The following THSD7A variants were observed in gnomAD, a reference collection of about 807,000 sequenced individuals.
THSD7A encodes thrombospondin type-1 domain-containing protein 7A.
In THSD7A, 96 loss-of-function variants were observed where a neutral mutation model predicts 231.3. The ratio of observed to expected loss-of-function variants is 0.41; its 90% confidence interval spans 0.35 to 0.49. THSD7A has a LOEUF of 0.49. THSD7A is among the 20% of genes least tolerant of loss of function. The probability of loss-of-function intolerance (pLI) is 0.05; values close to 1 mark genes in which losing one functional copy is unlikely to be tolerated. For synonymous variants in THSD7A, 940 were observed against 743.3 expected, an observed-to-expected ratio of 1.26 and a Z score of -4.30; for missense variants, 2,290 against 2,070.2, an observed-to-expected ratio of 1.11 and a Z score of -2.06.
intron 1 of THSD7A, chr7:11,821,368 A>C: frequency 1.7e-6 from 1 of 595,090 alleles, no homozygotes; most frequent in Non-Finnish European, 3.1e-6. Context: ...ATGACTTTTT[A>C]TCTCTTCTCC....
At chr7:11,517,823 G>C (rs1788096617) in intron 6 of THSD7A, among the ~76,000 whole-genome samples, 1 of 152,152 alleles carries the variant, frequency 6.6e-6, no homozygotes, top group South Asian at 2.1e-4. Context: ...TCTAGAATCA[G>C]GTGCCTTTGA....
chr7:11,776,804 T>A (rs1253359475), intron 1 of THSD7A, among the ~76,000 whole-genome samples: 1 of 152,082 alleles, frequency 6.6e-6, no homozygotes, highest in Admixed American at 6.6e-5. Context: ...CATTGAAGAG[T>A]TTGAAGGCAT....
chr7:11,629,878 G>A (rs1180790025), intron 2 of THSD7A, among the ~76,000 whole-genome samples: 2 of 152,256 alleles, frequency 1.3e-5, no homozygotes, highest in East Asian at 3.9e-4. Flanking sequence ...AAGTTGAAAG[G>A]CTTTTAGAGA....
At chr7:11,541,312 A>T in intron 6 of THSD7A, 107 bp downstream of exon 6, 1 of 1,072,816 alleles carries the variant, frequency 9.3e-7, no homozygotes. Flanking sequence ...CTACGTTTGT[A>T]AACAGAATCA....
intron 1 of THSD7A, among the ~76,000 whole-genome samples, chr7:11,681,734 T>C (rs1291805125): frequency 2.0e-5 from 3 of 151,830 alleles, no homozygotes; most frequent in Non-Finnish European, 4.4e-5. Flanking sequence ...CTAGAAATGT[T>C]GACATGCGAG....
At chr7:11,803,139 G>A (rs1201462089) in intron 1 of THSD7A, among the ~76,000 whole-genome samples, 1 of 152,154 alleles carries the variant, frequency 6.6e-6, no homozygotes, top group African/African-American at 2.4e-5. Context: ...GAGGGTGAAG[G>A]TGGGACTTTT....
intron 4 of THSD7A, among the ~76,000 whole-genome samples, chr7:11,559,475 C>A (rs543476622): frequency 6.6e-6 from 1 of 151,422 alleles, no homozygotes; most frequent in African/African-American, 2.4e-5. Flanking sequence ...TGCAACTCCA[C>A]CTTAAAATTT....
At chr7:11,438,739 C>G (rs1451092106) in intron 13 of THSD7A, among the ~76,000 whole-genome samples, 1 of 151,928 alleles carries the variant, frequency 6.6e-6, no homozygotes, top group Non-Finnish European at 1.5e-5. Flanking sequence ...GTATGATGTC[C>G]ACATGGCAGT....
chr7:11,617,009 TA>T, intron 2 of THSD7A, among the ~76,000 whole-genome samples: 1 of 152,186 alleles, frequency 6.6e-6, no homozygotes. Flanking sequence ...AAGCAATATT[TA>T]AAAACATATC....
intron 4 of THSD7A, among the ~76,000 whole-genome samples, chr7:11,588,692 ATAACCT>A (rs1780021006): frequency 2.0e-5 from 3 of 152,322 alleles, no homozygotes; most frequent in East Asian, 3.9e-4. Flanking sequence ...TTGGAAAGCA[ATAACCT>A]ACAGGACATA....
At chr7:11,627,119 T>C (rs1182235332) in intron 2 of THSD7A, among the ~76,000 whole-genome samples, 2 of 152,150 alleles carry the variant, frequency 1.3e-5, no homozygotes, top group Non-Finnish European at 2.9e-5. Context: ...TAGCCTAATG[T>C]AAGCGATTAA....
At chr7:11,770,747 G>C (rs1209704060) in intron 1 of THSD7A, among the ~76,000 whole-genome samples, 1 of 152,042 alleles carries the variant, frequency 6.6e-6, no homozygotes, top group South Asian at 2.1e-4. Context: ...TAATGCTAAA[G>C]TAAGGTCAAT....
At chr7:11,561,061 A>G (rs962882352) in intron 4 of THSD7A, among the ~76,000 whole-genome samples, 39 of 152,150 alleles carry the variant, frequency 2.6e-4, no homozygotes, top group African/African-American at 8.9e-4. Flanking sequence ...GTTGCCCTCA[A>G]TTACATAGCT....
At chr7:11,540,802 A>T (rs577318328) in intron 6 of THSD7A, among the ~76,000 whole-genome samples, 123 of 152,330 alleles carry the variant, frequency 8.1e-4, no homozygotes, top group Non-Finnish European at 1.4e-3. Context: ...TAAAAGTCCA[A>T]GGTAATTCCT....
chr7:11,530,546 T>C (rs1383200131), intron 6 of THSD7A, among the ~76,000 whole-genome samples: 1 of 152,010 alleles, frequency 6.6e-6, no homozygotes, highest in African/African-American at 2.4e-5. Flanking sequence ...ATAGAAGGAA[T>C]AGTGGGGAAT....
At chr7:11,398,540 T>A (rs1215271225) in intron 23 of THSD7A, among the ~76,000 whole-genome samples, 1 of 151,968 alleles carries the variant, frequency 6.6e-6, no homozygotes, top group East Asian at 1.9e-4. Context: ...ACTTAAAGTA[T>A]AATTAAAAAA....
At chr7:11,820,194 G>T in intron 1 of THSD7A, 1 of 332,466 alleles carries the variant, frequency 3.0e-6, no homozygotes, top group South Asian at 1.3e-4. Context: ...CAATCTGCAT[G>T]GCTGGTGAGG....
At chr7:11,793,736 G>C (rs57828189) in intron 1 of THSD7A, among the ~76,000 whole-genome samples, 1 of 151,510 alleles carries the variant, frequency 6.6e-6, no homozygotes, top group South Asian at 2.1e-4. Context: ...AATTTTGTAT[G>C]TTAAATTTCA....
At chr7:11,393,059 G>A (rs1476330195) in intron 23 of THSD7A, among the ~76,000 whole-genome samples, 2 of 152,120 alleles carry the variant, frequency 1.3e-5, no homozygotes, top group Non-Finnish European at 2.9e-5. Flanking sequence ...ACTCTCTCCC[G>A]AAGTGGGTCC....
Sources: allele counts gnomAD v4.1 joint callset (sites outside exome capture counted in the v4.1 genomes callset), GRCh38; gene constraint gnomAD v4.1.1; transcripts MANE v1.5; gene names NCBI Gene and HGNC (gene_info 2026-07-23, HGNC 2026-07-21).